Variants in EPHX2 observed in about 807,000 individuals in gnomAD.
EPHX2 encodes epoxide hydrolase 2, also known as bifunctional epoxide hydrolase 2.
A neutral mutation model predicts 78.7 loss-of-function variants in EPHX2; 74 were observed. The observed-to-expected ratio is 0.94, with a 90% CI of 0.78 to 1.14. The LOEUF is 1.14. EPHX2 is among the 50% of genes most tolerant of loss of function. The probability of loss-of-function intolerance (pLI) is 0.00; values close to 1 mark genes in which losing one functional copy is unlikely to be tolerated. For synonymous variants in EPHX2, 251 were observed against 255.2 expected, an observed-to-expected ratio of 0.98 and a Z score of 0.16; for missense variants, 715 against 702.5, an observed-to-expected ratio of 1.02 and a Z score of -0.20.
At chr8:27,532,124 C>T (rs775271098) in intron 12 of EPHX2, among the ~76,000 whole-genome samples, 1 of 152,072 alleles carries the variant, frequency 6.6e-6, no homozygotes, top group Non-Finnish European at 1.5e-5. Flanking sequence ...GGTTGGCACA[C>T]CTGCTGCCTG....
intron 5 of EPHX2, among the ~76,000 whole-genome samples, chr8:27,508,750 C>T (rs1389526735): frequency 6.6e-6 from 1 of 152,206 alleles, no homozygotes; most frequent in East Asian, 1.9e-4. Context: ...AATTTGCCAT[C>T]TTTGTGTGTG....
At chr8:27,537,015 C>T (rs1160138745) in intron 13 of EPHX2, among the ~76,000 whole-genome samples, 160 bp downstream of exon 13, 2 of 152,168 alleles carry the variant, frequency 1.3e-5, no homozygotes, top group Non-Finnish European at 2.9e-5. Flanking sequence ...GGAAAATTTA[C>T]ATCCTCGTTG....
rs1815551895 is a variant in EPHX2 at position 27,545,341 on chromosome 8, T to C, written c.*819T>C. On this transcript the variant is annotated 3_prime_UTR_variant, in exon 19 of 19. Coordinates refer to ENST00000521400, the MANE Select transcript of EPHX2 (RefSeq NM_001979.6). ...GCCCCCTCCTCCCTATCTTCCCCTC[T>C]ACCCTCTCCTGCCTCCTGTCACATC... 1 of 152,434 alleles carries C rather than the reference T, an allele frequency of 6.6e-6. No homozygotes were observed. Among genetic ancestry groups the C allele is most frequent in the South Asian group, 2.1e-4 (1 of 4,816 alleles). 9.4% of individuals were successfully genotyped at this position (152,434 alleles called of 1,614,324 possible).
downstream of EPHX2, among the ~76,000 whole-genome samples, chr8:27,547,131 G>C (rs1237587729): frequency 1.3e-5 from 2 of 152,172 alleles, no homozygotes; most frequent in Non-Finnish European, 2.9e-5. Flanking sequence ...TTCCAACATC[G>C]TGGATTACAA....
downstream of EPHX2, among the ~76,000 whole-genome samples, chr8:27,546,141 AAAAAG>A (rs1379435293): frequency 6.6e-6 from 1 of 151,948 alleles, no homozygotes; most frequent in Admixed American, 6.6e-5. Flanking sequence ...AAAAAAAAAA[AAAAAG>A]AGAAGTTCTC....
chr8:27,530,996 C>T (rs1815021647), intron 12 of EPHX2, among the ~76,000 whole-genome samples: 1 of 152,186 alleles, frequency 6.6e-6, no homozygotes, highest in Non-Finnish European at 1.5e-5. Flanking sequence ...CTCCCACCCT[C>T]AGGTGACTTA....
chr8:27,493,860 G>A (rs1813475706), intron 1 of EPHX2, among the ~76,000 whole-genome samples: 1 of 152,178 alleles, frequency 6.6e-6, no homozygotes, highest in Admixed American at 6.5e-5. Flanking sequence ...AGCTGGAAAG[G>A]GTGTTGGGAG....
intron 2 of EPHX2, among the ~76,000 whole-genome samples, chr8:27,503,291 T>A (rs1190290765): frequency 6.6e-6 from 1 of 152,220 alleles, no homozygotes; most frequent in Non-Finnish European, 1.5e-5. Context: ...TCTTTTGTTA[T>A]AGCAGCTGAG....
chr8:27,491,407 A>G, intron 1 of EPHX2, 98 bp downstream of exon 1: 1 of 893,578 alleles, frequency 1.1e-6, no homozygotes, highest in Non-Finnish European at 1.6e-6. Flanking sequence ...CCTGTGCCGG[A>G]GCCCTGCGAA....
At position 27,516,902 on chromosome 8, in the gene EPHX2, AC is replaced by A. The variant is rs1177412813; in HGVS notation, c.910+506del. Among the ~76,000 whole-genome samples, 5 of 149,442 alleles carry A rather than the reference AC, an allele frequency of 3.3e-5. No individual in the cohort carries two copies. The East Asian group carries it at 9.8e-4, about 29-fold the overall frequency. On this transcript the variant is annotated intron_variant, in intron 8 of 18. Coordinates refer to ENST00000521400, the MANE Select transcript of EPHX2 (RefSeq NM_001979.6). ...AAGTTTCCTCCATGTTATAGACGGC[AC>A]CACAATTTCCTTCCTATTTTTTTTT... is the stretch of plus-strand genomic sequence containing the variant.
chr8:27,525,095 TGTGTGTGTGTGTGCGCGCGC>T lies in EPHX2; in HGVS notation c.1059-265_1059-246del, dbSNP rs370342840. Among the ~76,000 whole-genome samples, 15 of 146,756 alleles carry T rather than the reference TGTGTGTGTGTGTGCGCGCGC, an allele frequency of 1.0e-4. No homozygotes were observed. In the East Asian group the frequency reaches 3.0e-3, roughly 29 times the overall value. ...GTGTGTGTGTGTGTGTGTGTGTGTGTGTGTGTGTGTGTGCGCGCGCGCGCGCGCACCTATGTGTCTAAGGC... is the reference window on the plus strand; with the variant it reads ...GTGTGTGTGTGTGTGTGTGTGTGTGTGCGCGCGCACCTATGTGTCTAAGGC... On this transcript the variant is annotated intron_variant, in intron 11 of 18. Transcript: ENST00000521400.
intron 5 of EPHX2, among the ~76,000 whole-genome samples, chr8:27,511,492 GTGGTTTTTGAGGTCACA>G (rs1175256018): frequency 6.6e-6 from 1 of 152,256 alleles, no homozygotes; most frequent in Non-Finnish European, 1.5e-5. Context: ...TCTTCTACCT[GTGGTTTTTGAGGTCACA>G]CTGGACACCC....
At chr8:27,521,000 C>A (rs150201545) in intron 10 of EPHX2, 91 bp downstream of exon 10, 1 of 1,552,864 alleles carries the variant, frequency 6.4e-7, no homozygotes, top group South Asian at 1.1e-5. Flanking sequence ...CAGAGGTGCA[C>A]GGGCAGGGAG....
chr8:27,523,128 T>C (rs1273998274), intron 11 of EPHX2, among the ~76,000 whole-genome samples: 1 of 152,000 alleles, frequency 6.6e-6, no homozygotes, highest in African/African-American at 2.4e-5. Flanking sequence ...AGGCAACAGG[T>C]GTGTCTTCAG....
At chr8:27,521,824 A>G (rs897760406) in intron 10 of EPHX2, among the ~76,000 whole-genome samples, 9 of 140,734 alleles carry the variant, frequency 6.4e-5, no homozygotes, top group Non-Finnish European at 1.3e-4. Flanking sequence ...AGGTGTGGAT[A>G]GGCTCTGCCA....
chr8:27,525,969 G>T (rs1366176342), intron 12 of EPHX2, among the ~76,000 whole-genome samples: 1 of 152,186 alleles, frequency 6.6e-6, no homozygotes, highest in Non-Finnish European at 1.5e-5. Flanking sequence ...CTGTTAACTG[G>T]AATTCACTGA....
intron 6 of EPHX2, among the ~76,000 whole-genome samples, chr8:27,513,505 C>A (rs1347909868): frequency 6.6e-6 from 1 of 152,178 alleles, no homozygotes; most frequent in Non-Finnish European, 1.5e-5. Context: ...TTTACCCCAC[C>A]TTGTCTTTCC....
intron 8 of EPHX2, among the ~76,000 whole-genome samples, chr8:27,517,062 C>T (rs776993274): frequency 1.3e-4 from 20 of 151,706 alleles, no homozygotes; most frequent in Non-Finnish European, 2.7e-4. Context: ...TGGGATTACA[C>T]GTGTGTGCCA....
At chr8:27,547,279 G>A (rs1445331374), downstream of EPHX2, among the ~76,000 whole-genome samples, 1 of 152,188 alleles carries the variant, frequency 6.6e-6, no homozygotes, top group Non-Finnish European at 1.5e-5. Flanking sequence ...CTGCTTTGAG[G>A]ACCTTTGGGC....
Sources: allele counts gnomAD v4.1 joint callset (sites outside exome capture counted in the v4.1 genomes callset), GRCh38; gene constraint gnomAD v4.1.1; transcripts MANE v1.5; gene names NCBI Gene and HGNC (gene_info 2026-07-23, HGNC 2026-07-21).